Variants in DAB2IP observed in about 807,000 individuals in gnomAD.
The protein encoded by DAB2IP is DAB2 interacting protein.
DAB2IP carries 28 observed loss-of-function variants against 107.2 expected under a neutral mutation model. The observed-to-expected ratio is 0.26, with a 90% confidence interval of 0.19 to 0.36. The LOEUF is 0.36. Ranked by LOEUF, DAB2IP falls within the 10% of genes least tolerant of loss-of-function variation. The pLI is 1.00. For synonymous variants in DAB2IP, 755 were observed against 706.4 expected (o/e 1.07, Z -1.09); for missense variants, 1,400 against 1,644.7 (o/e 0.85, Z 2.57).
At position 121,760,145 on chromosome 9, in the gene DAB2IP, C is replaced by T; in HGVS notation, c.876C>T (p.Gly292=). ...AGAAGGAGCGCAACAGTTACCTGGGCCTGGTGAGCCTACCTGCTGCCTCGG... is the reference window on the plus strand; with the variant it reads ...AGAAGGAGCGCAACAGTTACCTGGGTCTGGTGAGCCTACCTGCTGCCTCGG... The change falls in exon 6 of 16, where the codon GGC becomes GGT. Residue 292 remains glycine, a synonymous_variant. Transcript: ENST00000408936. This position sits in a 1 kb window ranked among gnomAD's most constrained non-coding sequence, Gnocchi z 5.9. 2 of 1,613,918 alleles carry T rather than the reference C, an allele frequency of 1.2e-6. No individual in the cohort carries two copies. The highest frequency in any genetic ancestry group is 1.7e-6 in the Non-Finnish European group (2 of 1,180,024).
intron 3 of DAB2IP, among the ~76,000 whole-genome samples, chr9:121,747,173 T>C (rs948068350): frequency 2.0e-5 from 3 of 151,908 alleles, no homozygotes; most frequent in African/African-American, 7.3e-5. Context: ...GGACTGTCAC[T>C]CTCCCTAAAC....
chr9:121,748,346 C>T, intron 3 of DAB2IP, among the ~76,000 whole-genome samples: 1 of 152,184 alleles, frequency 6.6e-6, no homozygotes, highest in East Asian at 1.9e-4. Context: ...AGGCCTGACT[C>T]ACTGTGAGGT....
At chr9:121,693,931 C>T (rs1308644326) in intron 2 of DAB2IP, among the ~76,000 whole-genome samples, 6 of 152,258 alleles carry the variant, frequency 3.9e-5, no homozygotes, top group South Asian at 2.1e-4. Context: ...GTCCAGGTGG[C>T]GGTGCTGAAA....
chr9:121,716,993 A>G (rs1830639732), intron 3 of DAB2IP, among the ~76,000 whole-genome samples: 2 of 152,190 alleles, frequency 1.3e-5, no homozygotes, highest in South Asian at 4.1e-4. Flanking sequence ...GTTTCAGCGA[A>G]GGCAAGTCTC....
intron 1 of DAB2IP, among the ~76,000 whole-genome samples, chr9:121,601,436 GC>G (rs2118953515): frequency 6.6e-6 from 1 of 152,336 alleles, no homozygotes; most frequent in East Asian, 1.9e-4. Context: ...TCATGATTGA[GC>G]AACATTCTTC....
At chr9:121,651,229 G>A (rs1341040802), upstream of DAB2IP, among the ~76,000 whole-genome samples, 2 of 152,252 alleles carry the variant, frequency 1.3e-5, no homozygotes, top group Non-Finnish European at 2.9e-5. The surrounding 1 kb of genome is among the most constrained non-coding windows in gnomAD (Gnocchi z 5.1). Flanking sequence ...CTGGGCCAGG[G>A]CCTGCGGAGC....
rs2119009700 is a variant in DAB2IP at position 121,772,128 on chromosome 9, AGAG to A, written c.2079-474_2079-472del. ...GGGAGCGGCAGCAGGAGGCTGGGCA[AGAG>A]GAGGTTTCACCGGGCCCCCACTTCA... On this transcript the variant is annotated intron_variant, in intron 11 of 15. Coordinates refer to ENST00000408936, the Ensembl canonical transcript of DAB2IP. This position sits in a 1 kb window ranked among gnomAD's most constrained non-coding sequence, Gnocchi z 4.7. Among the ~76,000 whole-genome samples the A allele has an allele frequency of 6.6e-6, 1 of 152,236 alleles. No individual in the cohort carries two copies. The highest frequency in any genetic ancestry group is 1.5e-5 in the Non-Finnish European group (1 of 68,012).
exon 16 of DAB2IP, chr9:121,783,608 T>G: frequency 6.3e-7 from 1 of 1,588,082 alleles, no homozygotes; most frequent in Non-Finnish European, 8.6e-7. Context: ...GCGTGCGCAC[T>G]GCATGGGAAA....
At position 121,635,967 on chromosome 9, in the gene DAB2IP, G is replaced by A. The variant is rs554730076; in HGVS notation, c.41-42711G>A. On this transcript the variant is annotated intron_variant, in intron 1 of 16. Coordinates refer to the DAB2IP transcript ENST00000259371. The surrounding 1 kb of genome is among the most constrained non-coding windows in gnomAD (Gnocchi z 4.3). ...TCCCCAGGCTGGAGTGCAGTGGCAC[G>A]ATCTCGGCTCACTGCAACCTCTGCC... is the stretch of plus-strand genomic sequence containing the variant. Among the ~76,000 whole-genome samples, 1 of 152,244 alleles carries A rather than the reference G, an allele frequency of 6.6e-6. No individual in the cohort carries two copies. Among genetic ancestry groups the A allele is most frequent in the Admixed American group, 6.5e-5 (1 of 15,298 alleles).
chr9:121,728,907 A>G (rs191282194), intron 3 of DAB2IP, among the ~76,000 whole-genome samples: 356 of 152,352 alleles, frequency 2.3e-3, no homozygotes, highest in Non-Finnish European at 2.7e-3. Context: ...TTGCATATGT[A>G]ATAATTGTGC....
At chr9:121,781,357 C>T in intron 14 of DAB2IP, 107 bp from the exon 15 acceptor site, 1 of 1,102,922 alleles carries the variant, frequency 9.1e-7, no homozygotes, top group South Asian at 1.3e-5. Context: ...AGGAGGGGCT[C>T]TCCTAGTGTG....
exon 16 of DAB2IP, chr9:121,785,037 C>G (rs1308891132): frequency 6.5e-6 from 1 of 152,734 alleles, no homozygotes; most frequent in Non-Finnish European, 1.5e-5. Flanking sequence ...CTGGAGAAAG[C>G]CACGCCCTCC....
chr9:121,778,375 A>C (rs181676950), intron 14 of DAB2IP, among the ~76,000 whole-genome samples: 7 of 152,332 alleles, frequency 4.6e-5, no homozygotes, highest in African/African-American at 1.7e-4. Flanking sequence ...CCATCTATAT[A>C]TATGAAGTGG....
At chr9:121,613,885 C>T (rs1178776045) in intron 1 of DAB2IP, among the ~76,000 whole-genome samples, 2 of 152,186 alleles carry the variant, frequency 1.3e-5, no homozygotes, top group Admixed American at 1.3e-4. Flanking sequence ...GAGAAGTCTT[C>T]AGATGGCAAG....
At chr9:121,570,750 G>A (rs750817582) in intron 1 of DAB2IP, among the ~76,000 whole-genome samples, 16 of 152,004 alleles carry the variant, frequency 1.1e-4, no homozygotes, top group Admixed American at 5.2e-4. Flanking sequence ...GTTTGCCCAC[G>A]TTGCCCAGGC....
chr9:121,643,167 G>A (rs566921411), intron 1 of DAB2IP, among the ~76,000 whole-genome samples: 2 of 152,164 alleles, frequency 1.3e-5, no homozygotes, highest in Admixed American at 1.3e-4. Flanking sequence ...CTGGATTCAG[G>A]GATGCTGGGA....
At chr9:121,763,157 G>A (rs1024501554) in intron 6 of DAB2IP, among the ~76,000 whole-genome samples, 3 of 152,194 alleles carry the variant, frequency 2.0e-5, no homozygotes, top group African/African-American at 7.2e-5. Flanking sequence ...GTCCTGCTGT[G>A]GTCACCAGGC....
intron 1 of DAB2IP, among the ~76,000 whole-genome samples, chr9:121,582,488 T>C (rs975802421): frequency 6.6e-6 from 1 of 152,022 alleles, no homozygotes; most frequent in Admixed American, 6.5e-5. Context: ...CAGCCAGGTG[T>C]GCTTCTACAT....
intron 1 of DAB2IP, among the ~76,000 whole-genome samples, chr9:121,641,907 TTCTTTCTTTC>T (rs1196442565): frequency 8.3e-6 from 1 of 119,788 alleles, no homozygotes; most frequent in Non-Finnish European, 1.6e-5. Flanking sequence ...CTTTCTTTCT[TTCTTTCTTTC>T]TTTCTTTCTT....
Sources: allele counts gnomAD v4.1 joint callset (sites outside exome capture counted in the v4.1 genomes callset), GRCh38; gene constraint gnomAD v4.1.1; non-coding constraint Gnocchi (gnomAD v3.1); transcripts MANE v1.5; gene names NCBI Gene and HGNC (gene_info 2026-07-23, HGNC 2026-07-21).